The following ADK variants were observed in gnomAD, a reference collection of about 807,000 sequenced individuals.
The protein encoded by ADK is N6,N6-dimethyladenosine kinase.
ADK carries 24 observed loss-of-function variants against 44.7 expected under a neutral mutation model. That is an observed-to-expected ratio of 0.54 (90% confidence interval 0.39 to 0.76). ADK has a LOEUF of 0.76. Among genes scored for constraint, ADK ranks in the 30% least tolerant of loss-of-function variants. The pLI, the probability that ADK is intolerant of heterozygous loss-of-function variation, is 0.00. For synonymous variants in ADK, 128 were observed against 142.6 expected, an observed-to-expected ratio of 0.90 and a Z score of 0.73; for missense variants, 321 against 425.1, an observed-to-expected ratio of 0.76 and a Z score of 2.15.
intron 3 of ADK, among the ~76,000 whole-genome samples, chr10:74,300,179 C>A (rs1396809112): frequency 6.6e-6 from 1 of 150,534 alleles, no homozygotes; most frequent in Non-Finnish European, 1.5e-5. Context: ...CCATCATGTC[C>A]CTGGCTAATA....
At chr10:74,378,715 A>T (rs1436858221) in intron 4 of ADK, among the ~76,000 whole-genome samples, 1 of 152,158 alleles carries the variant, frequency 6.6e-6, no homozygotes, top group African/African-American at 2.4e-5. Flanking sequence ...GACTTTCAAG[A>T]TGAGTGAGGA....
At chr10:74,637,563 A>G (rs77567039) in intron 9 of ADK, among the ~76,000 whole-genome samples, 2,659 of 152,294 alleles carry the variant, frequency 0.017, 70 homozygotes, top group African/African-American at 0.061. Flanking sequence ...TGAGAAGGCT[A>G]TCATTCTCTA....
intron 6 of ADK, among the ~76,000 whole-genome samples, chr10:74,484,873 A>T (rs1180490479): frequency 1.3e-5 from 2 of 152,230 alleles, no homozygotes; most frequent in African/African-American, 4.8e-5. Context: ...TCTGTTTTAT[A>T]CTATACACAA....
rs376037394 is a variant in ADK, at chr10:74,345,887, T to TTTG, written c.273+31163_273+31165dup. Among the ~76,000 whole-genome samples, 305 of 152,030 alleles carry TTTG rather than the reference T, an allele frequency of 2.0e-3. 1 individual carries two copies. The highest frequency in any genetic ancestry group is 5.8e-3 in the East Asian group (30 of 5,178). ...TTGTTGCATTTAAAATTTCTGGGTT[T>TTTG]TTGTTGTTGTTGTTGTTGTTGTTTT... On this transcript the variant is annotated intron_variant, in intron 4 of 10. Coordinates refer to ENST00000539909, the MANE Select transcript of ADK (RefSeq NM_006721.4).
intron 1 of ADK, among the ~76,000 whole-genome samples, chr10:74,184,631 T>C (rs181658413): frequency 1.1e-4 from 17 of 151,856 alleles, no homozygotes; most frequent in African/African-American, 4.1e-4. Flanking sequence ...CAAGTGATCC[T>C]CCCGCCTCAG....
At chr10:74,514,828 CCTT>C (rs745915737) in intron 6 of ADK, among the ~76,000 whole-genome samples, 1 of 151,258 alleles carries the variant, frequency 6.6e-6, no homozygotes. Context: ...TGCTTTTTTT[CCTT>C]CTTCTTCTTT....
intron 6 of ADK, among the ~76,000 whole-genome samples, chr10:74,512,771 A>C (rs1044186300): frequency 6.6e-6 from 1 of 150,700 alleles, no homozygotes; most frequent in African/African-American, 2.4e-5. Context: ...TTATTTCTAC[A>C]CTGATCATTA....
chr10:74,440,236 C>G (rs1291763232), intron 6 of ADK, among the ~76,000 whole-genome samples: 2 of 152,028 alleles, frequency 1.3e-5, no homozygotes. Context: ...TAATACATTA[C>G]ATATTTAGTT....
At chr10:74,574,208 C>G (rs1851090788) in intron 7 of ADK, among the ~76,000 whole-genome samples, 1 of 150,524 alleles carries the variant, frequency 6.6e-6, no homozygotes, top group Non-Finnish European at 1.5e-5. Flanking sequence ...CACTCAGCCA[C>G]CAGGCTGGAG....
At chr10:74,681,254 T>C (rs1255776141) in intron 10 of ADK, among the ~76,000 whole-genome samples, 1 of 152,200 alleles carries the variant, frequency 6.6e-6, no homozygotes, top group African/African-American at 2.4e-5. Flanking sequence ...TGAGATCTTA[T>C]CTGAATCAGA....
At position 74,414,562 on chromosome 10, in the gene ADK, C is replaced by T. The variant is rs557036992; in HGVS notation, c.555+15983C>T. Among the ~76,000 whole-genome samples the T allele has an allele frequency of 2.2e-3, 333 of 152,028 alleles. 2 individuals carry two copies. The highest frequency in any genetic ancestry group is 7.6e-3 in the African/African-American group (315 of 41,472). ...ACCAGCCTGGCCAACATGGTGAAAC[C>T]CCCTCTCTACTAAAAATACAAAAAT... On this transcript the variant is annotated intron_variant, in intron 6 of 10. Coordinates refer to ENST00000539909, the MANE Select transcript of ADK (RefSeq NM_006721.4).
chr10:74,160,788 GA>G (rs1389635859), intron 1 of ADK, among the ~76,000 whole-genome samples: 1 of 151,448 alleles, frequency 6.6e-6, no homozygotes, highest in Admixed American at 6.6e-5. Flanking sequence ...TATATGGGGG[GA>G]AATGGATGGG....
chr10:74,572,368 G>T (rs537144159), intron 7 of ADK, among the ~76,000 whole-genome samples: 1 of 152,354 alleles, frequency 6.6e-6, no homozygotes, highest in East Asian at 1.9e-4. Flanking sequence ...TTTGCCGAGA[G>T]ATCTGCTGTT....
At chr10:74,592,217 A>C (rs1851750332) in intron 8 of ADK, among the ~76,000 whole-genome samples, 1 of 152,124 alleles carries the variant, frequency 6.6e-6, no homozygotes, top group Non-Finnish European at 1.5e-5. Flanking sequence ...AGACCTGCTA[A>C]GAATTTAAAA....
intron 6 of ADK, among the ~76,000 whole-genome samples, chr10:74,427,271 T>G (rs2133061966): frequency 1.3e-5 from 2 of 152,274 alleles, no homozygotes; most frequent in South Asian, 4.1e-4. Context: ...TGATCTCCGC[T>G]CACTGCAAGC....
intron 9 of ADK, among the ~76,000 whole-genome samples, chr10:74,611,861 T>C (rs549029279): frequency 6.6e-6 from 1 of 152,304 alleles, no homozygotes; most frequent in African/African-American, 2.4e-5. Flanking sequence ...ACACTTTCTT[T>C]ATCCAATCCG....
intron 4 of ADK, among the ~76,000 whole-genome samples, chr10:74,360,543 TTGCTCTCTCTCA>T (rs1459062300): frequency 6.6e-6 from 1 of 152,164 alleles, no homozygotes; most frequent in Non-Finnish European, 1.5e-5. Context: ...GTATTCACAC[TTGCTCTCTCTCA>T]TGCTCTCTCT....
chr10:74,456,355 C>T (rs760256527), intron 6 of ADK, among the ~76,000 whole-genome samples: 27 of 151,986 alleles, frequency 1.8e-4, no homozygotes, highest in Admixed American at 9.2e-4. Context: ...GACCACAGTG[C>T]GATCAAATTA....
intron 6 of ADK, among the ~76,000 whole-genome samples, chr10:74,450,860 GATTA>G (rs1404572881): frequency 1.3e-5 from 2 of 152,162 alleles, no homozygotes; most frequent in South Asian, 2.1e-4. Flanking sequence ...ATGGCTTAAA[GATTA>G]ATTAATTAAC....
Sources: allele counts gnomAD v4.1 joint callset (sites outside exome capture counted in the v4.1 genomes callset), GRCh38; gene constraint gnomAD v4.1.1; transcripts MANE v1.5; gene names NCBI Gene and HGNC (gene_info 2026-07-23, HGNC 2026-07-21).